Variants in PRDM6 observed in about 807,000 individuals in gnomAD.
The protein encoded by PRDM6 is PR/SET domain 6.
A neutral mutation model predicts 60.8 loss-of-function variants in PRDM6; 25 were observed. That is an observed-to-expected ratio of 0.41 (90% CI 0.30 to 0.57). The LOEUF (loss-of-function observed/expected upper bound fraction) is 0.57. Among genes scored for constraint, PRDM6 ranks in the 20% least tolerant of loss-of-function variants. PRDM6 has a pLI of 0.27. For synonymous variants in PRDM6, 407 were observed against 357.4 expected (o/e 1.14, Z -1.57); for missense variants, 839 against 821.3 (o/e 1.02, Z -0.26).
At chr5:123,185,666 CCT>C (rs1159484122) in intron 7 of PRDM6, among the ~76,000 whole-genome samples, 2 of 152,304 alleles carry the variant, frequency 1.3e-5, no homozygotes, top group East Asian at 3.9e-4. Flanking sequence ...AGTTCTTCCC[CCT>C]GACACACTCC....
intron 4 of PRDM6, among the ~76,000 whole-genome samples, chr5:123,156,956 A>G (rs1401195342): frequency 6.6e-6 from 1 of 152,200 alleles, no homozygotes; most frequent in Admixed American, 6.5e-5. Context: ...TCTCTTTAGA[A>G]TCAGAAGCAA....
At chr5:123,161,708 G>C (rs1276904149) in intron 5 of PRDM6, among the ~76,000 whole-genome samples, 1 of 152,230 alleles carries the variant, frequency 6.6e-6, no homozygotes, top group Non-Finnish European at 1.5e-5. Flanking sequence ...ATGTGGGTGC[G>C]TGCTAGGGCA....
At chr5:123,091,787 G>A (rs1039435229) in intron 2 of PRDM6, among the ~76,000 whole-genome samples, 1 of 152,216 alleles carries the variant, frequency 6.6e-6, no homozygotes, top group South Asian at 2.1e-4. Flanking sequence ...TTCTGTATGA[G>A]TAAAGTTAAT....
intron 3 of PRDM6, among the ~76,000 whole-genome samples, chr5:123,130,120 C>T (rs1365079046): frequency 1.5e-5 from 1 of 68,104 alleles, no homozygotes; most frequent in Non-Finnish European, 3.0e-5. Context: ...CCTCCTCTCC[C>T]CTTCCCTCCC....
At position 123,170,864 on chromosome 5, in the gene PRDM6, T is replaced by C; in HGVS notation, c.1252T>C (p.Ser418Pro). Residue 418 changes from serine to proline, a missense_variant, in exon 6 of 8, where the codon TCC (serine) becomes CCC (proline). Around this residue, in one of 2 missense-constraint regions of PRDM6, gnomAD observed 730 missense variants for 648.8 expected, o/e 1.13. Coordinates refer to ENST00000407847, the MANE Select transcript of PRDM6 (RefSeq NM_001136239.4). ...SKLAPTTQQR[S>P]VVFPQTPCSR... ...ACTCGCCCCTACCACCCAGCAGCGC[T>C]CCGTTGTTTTCCCCCAGACTCCGTG... The C allele has an allele frequency of 1.3e-6, 2 of 1,552,202 alleles. No homozygotes were observed. Among genetic ancestry groups the C allele is most frequent in the Admixed American group, 2.0e-5 (1 of 50,996 alleles).
At chr5:123,106,037 T>G (rs1764191736) in intron 3 of PRDM6, among the ~76,000 whole-genome samples, 13 of 152,232 alleles carry the variant, frequency 8.5e-5, no homozygotes. Context: ...CTGTTCGTAC[T>G]CTTCTTGGAG....
intron 3 of PRDM6, among the ~76,000 whole-genome samples, chr5:123,144,894 G>A (rs1410872114): frequency 2.0e-5 from 3 of 152,092 alleles, no homozygotes; most frequent in Non-Finnish European, 2.9e-5. Context: ...GGCAGGCGTC[G>A]TATCCTTTTA....
At chr5:123,094,459 G>A (rs368502380) in intron 2 of PRDM6, among the ~76,000 whole-genome samples, 5 of 112,720 alleles carry the variant, frequency 4.4e-5, no homozygotes, top group African/African-American at 1.5e-4. Context: ...TCTCTCTCTC[G>A]CGTGTGTGCA....
chr5:123,192,026 C>T lies in PRDM6; in HGVS notation c.*4825C>T, dbSNP rs1328531352. On this transcript the variant is annotated 3_prime_UTR_variant, in exon 8 of 8. Transcript: ENST00000407847. ...AACAAAAAATATGTCGGAAACAGGT[C>T]AAAGTCATGAAACATTTGAATTGTC... is the stretch of plus-strand genomic sequence containing the variant. 6.6e-6 allele frequency: 1 copy of T among 152,148 alleles called. No homozygotes were observed. Among genetic ancestry groups the T allele is most frequent in the African/African-American group, 2.4e-5 (1 of 41,444 alleles). 9.4% of individuals were successfully genotyped at this position (152,148 alleles called of 1,614,324 possible).
chr5:123,105,993 A>G (rs186932990), intron 3 of PRDM6, among the ~76,000 whole-genome samples: 141 of 152,344 alleles, frequency 9.3e-4, no homozygotes, highest in Middle Eastern at 6.8e-3. Context: ...ACTCACTGTA[A>G]TAAGGGCAGG....
chr5:123,131,732 A>G (rs918531261), intron 3 of PRDM6, among the ~76,000 whole-genome samples: 3 of 152,248 alleles, frequency 2.0e-5, no homozygotes, highest in African/African-American at 7.2e-5. Flanking sequence ...GCCAAAGGTC[A>G]TGTCTGACTC....
At chr5:123,138,902 C>A (rs561281765) in intron 3 of PRDM6, among the ~76,000 whole-genome samples, 4 of 152,162 alleles carry the variant, frequency 2.6e-5, no homozygotes, top group African/African-American at 9.7e-5. Flanking sequence ...TGTGTCCTCG[C>A]CCAAATCTCA....
intron 3 of PRDM6, among the ~76,000 whole-genome samples, chr5:123,115,556 T>C (rs1051352232): frequency 7.9e-5 from 12 of 152,120 alleles, no homozygotes; most frequent in African/African-American, 2.9e-4. Flanking sequence ...ATTTATAAAA[T>C]GGAATTTTGA....
intron 3 of PRDM6, among the ~76,000 whole-genome samples, chr5:123,132,055 C>T (rs1351145644): frequency 6.6e-6 from 1 of 152,178 alleles, no homozygotes; most frequent in African/African-American, 2.4e-5. Context: ...ACAGAGCAGG[C>T]AGCTTGTGCA....
chr5:123,185,978 G>T (rs1283120908), intron 7 of PRDM6, among the ~76,000 whole-genome samples: 1 of 152,198 alleles, frequency 6.6e-6, no homozygotes, highest in Non-Finnish European at 1.5e-5. Flanking sequence ...TTAAAAGTGG[G>T]ACAATTGTCT....
intron 2 of PRDM6, among the ~76,000 whole-genome samples, chr5:123,094,927 T>C (rs1399949264): frequency 2.0e-5 from 3 of 152,196 alleles, no homozygotes; most frequent in Non-Finnish European, 4.4e-5. Flanking sequence ...CTCTCTTCTT[T>C]TTGTCTCTCC....
chr5:123,155,419 C>A (rs964008989), intron 3 of PRDM6, among the ~76,000 whole-genome samples: 1 of 151,794 alleles, frequency 6.6e-6, no homozygotes, highest in Non-Finnish European at 1.5e-5. Context: ...TCTCCAACTG[C>A]CTTCTGCTGG....
rs746234589 is a variant in PRDM6, at chr5:123,115,461, C to T, written c.900+15500C>T. On this transcript the variant is annotated intron_variant, in intron 3 of 7. Transcript: ENST00000407847. ...ATGGGTGCAGATACACATGGGCACA[C>T]GTTCACACGCACACACTGTTATCAA... is the stretch of plus-strand genomic sequence containing the variant. Among the ~76,000 whole-genome samples the T allele has an allele frequency of 9.9e-5, 15 of 152,266 alleles. 1 individual carries two copies. Among genetic ancestry groups the T allele is most frequent in the African/African-American group, 1.9e-4 (8 of 41,518 alleles).
chr5:123,176,439 A>G (rs989157804), intron 6 of PRDM6, among the ~76,000 whole-genome samples: 2 of 152,208 alleles, frequency 1.3e-5, no homozygotes, highest in African/African-American at 4.8e-5. Context: ...GACTGGGCAC[A>G]GTGGCTCCCA....
Sources: gnomAD v4.1 joint callset for allele counts (sites outside exome capture counted in the v4.1 genomes callset) on GRCh38, gnomAD v4.1.1 for gene constraint, gnomAD v4.1.1 regional missense constraint, MANE v1.5 for transcripts, NCBI Gene and HGNC (gene_info 2026-07-23, HGNC 2026-07-21) for gene names.